The following RASSF8 variants were observed in gnomAD, a reference collection of about 807,000 sequenced individuals.
The protein encoded by RASSF8 is Ras association domain family member 8.
Under a neutral mutation model 48.5 loss-of-function variants are expected in RASSF8, and 22 were observed. That is an observed-to-expected ratio of 0.45 (90% CI 0.32 to 0.65). The LOEUF is 0.65. Among genes scored for constraint, RASSF8 ranks in the 30% least tolerant of loss-of-function variants. The probability of loss-of-function intolerance (pLI) is 0.03; values close to 1 mark genes in which losing one functional copy is unlikely to be tolerated. For missense variants in RASSF8, 418 were observed against 489.2 expected (o/e 0.85, Z 1.37); for synonymous variants, 127 against 171.5 (o/e 0.74, Z 2.03).
chr12:25,983,334 T>C (rs1941788234), intron 1 of RASSF8, among the ~76,000 whole-genome samples: 1 of 152,212 alleles, frequency 6.6e-6, no homozygotes, highest in Non-Finnish European at 1.5e-5. Flanking sequence ...AAACTAGACA[T>C]AGCCAGAGCA....
intron 2 of RASSF8, among the ~76,000 whole-genome samples, chr12:26,053,514 A>G (rs1278818500): frequency 6.6e-6 from 1 of 152,220 alleles, no homozygotes; most frequent in East Asian, 1.9e-4. Context: ...TGGGCAGCAT[A>G]TAAAACTCTC....
chr12:26,039,297 C>T (rs1194545436), intron 2 of RASSF8, among the ~76,000 whole-genome samples: 2 of 152,080 alleles, frequency 1.3e-5, no homozygotes, highest in Admixed American at 1.3e-4. Context: ...TCATAGTTCC[C>T]TTGTGAGACT....
At chr12:26,047,382 A>C (rs1943394276) in intron 2 of RASSF8, among the ~76,000 whole-genome samples, 1 of 152,188 alleles carries the variant, frequency 6.6e-6, no homozygotes, top group African/African-American at 2.4e-5. Context: ...AACTCATTTT[A>C]TGATCTCTTT....
intron 2 of RASSF8, among the ~76,000 whole-genome samples, chr12:26,049,525 A>G (rs1021230514): frequency 6.6e-6 from 1 of 152,230 alleles, no homozygotes; most frequent in Non-Finnish European, 1.5e-5. Context: ...TGTACTCCCA[A>G]AAGATTTCCA....
chr12:26,063,008 T>G (rs1203176399), intron 3 of RASSF8, among the ~76,000 whole-genome samples: 3 of 152,220 alleles, frequency 2.0e-5, no homozygotes, highest in Non-Finnish European at 4.4e-5. Context: ...AAATCATTTT[T>G]TAATGTGCTC....
At chr12:26,048,449 A>C (rs1943419557) in intron 2 of RASSF8, among the ~76,000 whole-genome samples, 1 of 152,200 alleles carries the variant, frequency 6.6e-6, no homozygotes, top group Non-Finnish European at 1.5e-5. Flanking sequence ...TATGCTGAGA[A>C]TAATGGCATT....
chr12:26,076,696 G>A (rs1422194726), downstream of RASSF8, among the ~76,000 whole-genome samples: 1 of 152,116 alleles, frequency 6.6e-6, no homozygotes, highest in African/African-American at 2.4e-5. Context: ...CCAAGTCTTT[G>A]CTATTGTGAA....
chr12:26,013,951 C>T (rs1374446583), intron 2 of RASSF8, among the ~76,000 whole-genome samples: 4 of 152,170 alleles, frequency 2.6e-5, no homozygotes, highest in African/African-American at 9.7e-5. Context: ...TTTTTCTAAA[C>T]CCCATCTGAG....
At chr12:26,059,252 A>G (rs1169209474) in intron 3 of RASSF8, among the ~76,000 whole-genome samples, 1 of 152,224 alleles carries the variant, frequency 6.6e-6, no homozygotes, top group Non-Finnish European at 1.5e-5. Context: ...GAAAGAAGGA[A>G]GAGAAGGAAA....
At chr12:25,986,950 G>GTTTGTTTGT (rs67523606) in intron 1 of RASSF8, among the ~76,000 whole-genome samples, 18 of 149,672 alleles carry the variant, frequency 1.2e-4, no homozygotes, top group African/African-American at 3.0e-4. Flanking sequence ...TTGTTTGTTT[G>GTTTGTTTGT]TTTTGCAACG....
chr12:25,963,240 T>A (rs1327733759), intron 1 of RASSF8, among the ~76,000 whole-genome samples: 3 of 149,550 alleles, frequency 2.0e-5, no homozygotes, highest in Non-Finnish European at 3.0e-5. Context: ...AGAGGAGGAG[T>A]TTTTTTTAAA....
At chr12:26,002,664 A>G (rs1462654967) in intron 2 of RASSF8, among the ~76,000 whole-genome samples, 2 of 152,092 alleles carry the variant, frequency 1.3e-5, no homozygotes, top group East Asian at 3.9e-4. Context: ...AATTTCAGCT[A>G]CTCAGGAGGC....
intron 1 of RASSF8, among the ~76,000 whole-genome samples, chr12:25,990,460 T>C (rs1407165232): frequency 6.6e-6 from 1 of 152,214 alleles, no homozygotes; most frequent in Admixed American, 6.5e-5. Context: ...AAAGGTTTAT[T>C]ATATAAATAA....
chr12:26,021,817 CAG>C, intron 2 of RASSF8, among the ~76,000 whole-genome samples: 1 of 152,234 alleles, frequency 6.6e-6, no homozygotes, highest in East Asian at 1.9e-4. Flanking sequence ...TCTGTAAGAA[CAG>C]AGAACTCCAA....
chr12:26,048,184 A>T (rs1044716291), intron 2 of RASSF8, among the ~76,000 whole-genome samples: 1 of 152,196 alleles, frequency 6.6e-6, no homozygotes, highest in Non-Finnish European at 1.5e-5. Context: ...AAAAGCACTC[A>T]CTGTGCACTG....
chr12:26,063,506 C>T (rs1943793069), intron 3 of RASSF8, among the ~76,000 whole-genome samples: 1 of 152,018 alleles, frequency 6.6e-6, no homozygotes, highest in South Asian at 2.1e-4. Context: ...AGGCGATTCT[C>T]CTATTTCAGC....
At chr12:26,038,861 CTG>C in intron 2 of RASSF8, among the ~76,000 whole-genome samples, 1 of 152,312 alleles carries the variant, frequency 6.6e-6, no homozygotes, top group East Asian at 1.9e-4. Context: ...TCATTCAGGT[CTG>C]TGTCAGTCTT....
At chr12:26,032,347 C>T (rs967443871) in intron 2 of RASSF8, among the ~76,000 whole-genome samples, 1 of 152,138 alleles carries the variant, frequency 6.6e-6, no homozygotes, top group African/African-American at 2.4e-5. Context: ...TTTTCGTACT[C>T]ATAGCAGGTT....
chr12:25,984,950 A>C (rs12314388), intron 1 of RASSF8, among the ~76,000 whole-genome samples: 17,114 of 152,142 alleles, frequency 0.11, 1,061 homozygotes, highest in Middle Eastern at 0.17. Context: ...TTGGGTGCCA[A>C]ATTTTATGGA....
Sources: gnomAD v4.1 joint callset for allele counts (sites outside exome capture counted in the v4.1 genomes callset) on GRCh38, gnomAD v4.1.1 for gene constraint, MANE v1.5 for transcripts, NCBI Gene and HGNC (gene_info 2026-07-23, HGNC 2026-07-21) for gene names.